Variants in SLC14A2 observed in about 807,000 individuals in gnomAD.
The protein encoded by SLC14A2 is solute carrier family 14 member 2, also known as urea transporter 2.
In SLC14A2, 91 loss-of-function variants were observed where a neutral mutation model predicts 104.6. The ratio of observed to expected loss-of-function variants is 0.87; its 90% CI spans 0.73 to 1.04. The LOEUF is 1.04. Among genes scored for constraint, SLC14A2 ranks in the 50% least tolerant of loss-of-function variants. The pLI, the probability that SLC14A2 is intolerant of heterozygous loss-of-function variation, is 0.00. For synonymous variants in SLC14A2, 476 were observed against 466.4 expected, an observed-to-expected ratio of 1.02 and a Z score of -0.27; for missense variants, 1,189 against 1,156.0, an observed-to-expected ratio of 1.03 and a Z score of -0.41.
intron 2 of SLC14A2, among the ~76,000 whole-genome samples, chr18:45,500,074 G>T (rs73955841): frequency 1.3e-5 from 2 of 152,248 alleles, no homozygotes; most frequent in African/African-American, 4.8e-5. Context: ...ATAAGAAGCC[G>T]CAAATAAATT....
intron 1 of SLC14A2, among the ~76,000 whole-genome samples, chr18:45,310,344 C>A (rs1441704171): frequency 1.3e-5 from 2 of 152,232 alleles, no homozygotes; most frequent in African/African-American, 2.4e-5. Flanking sequence ...TTCACCCACA[C>A]TTAGTTGTAT....
intron 1 of SLC14A2, among the ~76,000 whole-genome samples, chr18:45,618,082 T>TA (rs2045102170): frequency 6.6e-6 from 1 of 152,106 alleles, no homozygotes; most frequent in Non-Finnish European, 1.5e-5. Flanking sequence ...GCTCCACAGA[T>TA]ACAAGGGTTT....
intron 1 of SLC14A2, among the ~76,000 whole-genome samples, chr18:45,454,630 G>T (rs984873021): frequency 7.2e-5 from 11 of 152,216 alleles, no homozygotes; most frequent in African/African-American, 2.6e-4. Context: ...GATTTTTATG[G>T]TTTTAGGTCT....
At chr18:45,231,523 G>C (rs1287169386) in intron 1 of SLC14A2, among the ~76,000 whole-genome samples, 1 of 152,132 alleles carries the variant, frequency 6.6e-6, no homozygotes, top group Non-Finnish European at 1.5e-5. Context: ...ATGGTATCTT[G>C]ATGATTAAGC....
chr18:45,375,603 C>T (rs1358054604), intron 1 of SLC14A2, among the ~76,000 whole-genome samples: 1 of 152,192 alleles, frequency 6.6e-6, no homozygotes, highest in African/African-American at 2.4e-5. Context: ...GTCTCCTGCA[C>T]GGCCGGCTCT....
chr18:45,426,694 T>TACACACAC (rs1328486756), intron 1 of SLC14A2, among the ~76,000 whole-genome samples: 36 of 90,264 alleles, frequency 4.0e-4, no homozygotes, highest in African/African-American at 9.8e-4. Flanking sequence ...CATATATACA[T>TACACACAC]ACATACACAC....
At chr18:45,433,527 G>A (rs188651715) in intron 1 of SLC14A2, among the ~76,000 whole-genome samples, 13 of 152,234 alleles carry the variant, frequency 8.5e-5, no homozygotes, top group African/African-American at 3.1e-4. Flanking sequence ...CTATTCTTGT[G>A]ACACTTACCT....
At chr18:45,168,976 G>C in the SLC14A2 span, 1 of 152,172 alleles carries the variant, frequency 6.6e-6, no homozygotes, top group Admixed American at 6.5e-5. Context: ...GGTCATGCCT[G>C]TTTCATTTTC....
chr18:45,633,485 C>T (rs146080071), intron 5 of SLC14A2, among the ~76,000 whole-genome samples: 9 of 152,308 alleles, frequency 5.9e-5, no homozygotes, highest in Admixed American at 5.9e-4. Flanking sequence ...ATTCACCTAG[C>T]GAAGGGTGTG....
chr18:45,333,591 T>A (rs2085310391), intron 1 of SLC14A2, among the ~76,000 whole-genome samples: 1 of 152,212 alleles, frequency 6.6e-6, no homozygotes, highest in African/African-American at 2.4e-5. Context: ...AGTTAACTCA[T>A]GAATCTTTAC....
intron 1 of SLC14A2, among the ~76,000 whole-genome samples, chr18:45,359,320 C>G (rs79384635): frequency 0.034 from 5,228 of 152,244 alleles, 314 homozygotes; most frequent in African/African-American, 0.12. Flanking sequence ...AGCAGGCCCC[C>G]CCGTCTAGCG....
chr18:45,241,794 C>A (rs2084320694), intron 1 of SLC14A2, among the ~76,000 whole-genome samples: 1 of 151,938 alleles, frequency 6.6e-6, no homozygotes, highest in Admixed American at 6.6e-5. Flanking sequence ...CAGGCATGTA[C>A]CACCACGCCC....
intron 2 of SLC14A2, among the ~76,000 whole-genome samples, chr18:45,563,871 A>T (rs1162314094): frequency 6.6e-6 from 1 of 152,218 alleles, no homozygotes. Flanking sequence ...AATTTTCAGG[A>T]TTGTTATCAA....
At chr18:45,568,096 G>A (rs1003186963) in intron 2 of SLC14A2, among the ~76,000 whole-genome samples, 8 of 152,160 alleles carry the variant, frequency 5.3e-5, no homozygotes, top group East Asian at 1.9e-4. Flanking sequence ...CCTGAGAGGC[G>A]GTGGGGGCAC....
At chr18:45,567,991 C>T (rs1180087345) in intron 2 of SLC14A2, among the ~76,000 whole-genome samples, 1 of 152,166 alleles carries the variant, frequency 6.6e-6, no homozygotes, top group African/African-American at 2.4e-5. Context: ...CTTTCCAGTG[C>T]TCTTATGCTC....
At chr18:45,682,238 G>T in intron 19 of SLC14A2, 81 bp from the exon 20 acceptor site, 1 of 1,218,302 alleles carries the variant, frequency 8.2e-7, no homozygotes, top group Non-Finnish European at 1.2e-6. Flanking sequence ...TGTCCCCAGG[G>T]CTGTAGGTGA....
intron 1 of SLC14A2, among the ~76,000 whole-genome samples, chr18:45,226,104 C>T (rs2084113716): frequency 1.3e-5 from 2 of 152,092 alleles, no homozygotes; most frequent in South Asian, 4.1e-4. Flanking sequence ...GAAATGCAAT[C>T]AAAACCACAA....
At chr18:45,613,240 T>A (rs538073273), upstream of SLC14A2, among the ~76,000 whole-genome samples, 1 of 152,232 alleles carries the variant, frequency 6.6e-6, no homozygotes, top group South Asian at 2.1e-4. Context: ...TTCACCGTGG[T>A]CTTGATCTCC....
intron 1 of SLC14A2, among the ~76,000 whole-genome samples, chr18:45,276,224 G>T (rs180966681): frequency 6.6e-6 from 1 of 152,324 alleles, no homozygotes; most frequent in African/African-American, 2.4e-5. Context: ...TTCACAGGCG[G>T]CATATTTCAT....
Sources: allele counts gnomAD v4.1 joint callset (sites outside exome capture counted in the v4.1 genomes callset), GRCh38; gene constraint gnomAD v4.1.1; transcripts MANE v1.5; gene names NCBI Gene and HGNC (gene_info 2026-07-23, HGNC 2026-07-21).